Variants in PTPRU observed in about 807,000 individuals in gnomAD.
PTPRU encodes the protein protein tyrosine phosphatase receptor type U.
In PTPRU, 69 loss-of-function variants were observed where a neutral mutation model predicts 166.3. That is an observed-to-expected ratio of 0.41 (90% confidence interval 0.34 to 0.51). The LOEUF is 0.51. Among genes scored for constraint, PTPRU ranks in the 20% least tolerant of loss-of-function variants. The pLI, the probability that PTPRU is intolerant of heterozygous loss-of-function variation, is 0.09. For synonymous variants in PTPRU, 793 were observed against 814.0 expected, an observed-to-expected ratio of 0.97 and a Z score of 0.44; for missense variants, 1,657 against 2,013.7, an observed-to-expected ratio of 0.82 and a Z score of 3.39.
rs776959435 is a variant in PTPRU at position 29,258,766 on chromosome 1, A to G, written c.467A>G (p.Asn156Ser). The G allele has an allele frequency of 4.3e-5, 68 of 1,577,846 alleles. No individual in the cohort carries two copies. The highest frequency in any genetic ancestry group is 5.6e-5 in the Non-Finnish European group (65 of 1,160,840). ...AELAVSTFWP[N>S]EYQVLFEALI... Reference sequence around the variant, plus strand: ...CTGGCTGTCAGCACTTTCTGGCCCAATGAATATCAGGTGGGCTGGGTTCAG... The same window carrying G: ...CTGGCTGTCAGCACTTTCTGGCCCAGTGAATATCAGGTGGGCTGGGTTCAG... The change falls in exon 3 of 30, where the codon AAT becomes AGT. Residue 156 changes from asparagine (N) to serine (S), a missense_variant. Coordinates refer to ENST00000373779, the MANE Select transcript of PTPRU (RefSeq NM_133178.4).
intron 7 of PTPRU, among the ~76,000 whole-genome samples, chr1:29,272,748 A>G (rs545968557): frequency 5.7e-4 from 86 of 151,974 alleles, no homozygotes; most frequent in African/African-American, 1.9e-3. Context: ...CTCTACAAAA[A>G]ATACAAAAAT....
In PTPRU at chr1:29,260,287, T is replaced by G. The variant is rs1574624406; in HGVS notation, c.850+243T>G. 2 of 481,438 alleles carry G rather than the reference T, an allele frequency of 4.2e-6. No individual in the cohort carries two copies. The highest frequency in any genetic ancestry group is 4.9e-5 in the South Asian group (1 of 20,382). 29.8% of individuals were successfully genotyped at this position (481,438 alleles called of 1,614,324 possible). A position where few individuals can be genotyped will look rare whatever the true frequency, so the allele number is the denominator to read the frequency against. On this transcript the variant is annotated intron_variant, in intron 6 of 29. Coordinates refer to ENST00000373779, the MANE Select transcript of PTPRU (RefSeq NM_133178.4). The surrounding 1 kb of genome is among the most constrained non-coding windows in gnomAD (Gnocchi z 8.3). Reference sequence around the variant, plus strand: ...GTCAAGGTGAGAGCCTAAAGAGGGGTGGGGTTCTGGCTGTGTGACTTCTGT... The same window carrying G: ...GTCAAGGTGAGAGCCTAAAGAGGGGGGGGGTTCTGGCTGTGTGACTTCTGT...
intron 7 of PTPRU, among the ~76,000 whole-genome samples, chr1:29,268,875 C>G (rs1205848380): frequency 2.0e-5 from 3 of 152,046 alleles, no homozygotes; most frequent in Non-Finnish European, 4.4e-5. Context: ...GGTCAAGAAC[C>G]CAGGTTTCAT....
In PTPRU at chr1:29,238,229, G is replaced by T. The variant is rs1334371854; in HGVS notation, c.73+1512G>T. ...ATACGGAGCCTGTGTTTGTGTGTCC[G>T]TGTGCTCGTCGGAGTGTGGACGGTG... On this transcript the variant is annotated intron_variant, in intron 1 of 29. Transcript: ENST00000373779. This position sits in a 1 kb window ranked among gnomAD's most constrained non-coding sequence, Gnocchi z 6.1. Among the ~76,000 whole-genome samples, 3 of 152,044 alleles carry T rather than the reference G, an allele frequency of 2.0e-5. No individual in the cohort carries two copies. Among genetic ancestry groups the T allele is most frequent in the African/African-American group, 7.2e-5 (3 of 41,390 alleles).
intron 26 of PTPRU, among the ~76,000 whole-genome samples, chr1:29,322,580 A>G (rs1258870863): frequency 6.6e-6 from 1 of 152,098 alleles, no homozygotes; most frequent in Admixed American, 6.6e-5. Flanking sequence ...ACCTGAGGCA[A>G]AATGAGGAAG....
chr1:29,292,107 G>A (rs1686669946), intron 15 of PTPRU, 81 bp downstream of exon 15: 2 of 1,513,588 alleles, frequency 1.3e-6, no homozygotes, highest in Admixed American at 3.9e-5. Context: ...CATCAGGTGA[G>A]TTCTGTAACA....
At chr1:29,258,805 T>C in intron 3 of PTPRU, 29 bp downstream of exon 3, 1 of 1,541,118 alleles carries the variant, frequency 6.5e-7, no homozygotes, top group East Asian at 2.3e-5. Context: ...GCGGTCAGCC[T>C]GTGCCTGGAG....
At position 29,323,646 on chromosome 1, in the gene PTPRU, C is replaced by G; in HGVS notation, c.3970C>G (p.Leu1324Val). The G allele has an allele frequency of 1.2e-6, 2 of 1,614,100 alleles. No individual in the cohort carries two copies. Among genetic ancestry groups the G allele is most frequent in the Non-Finnish European group, 1.7e-6 (2 of 1,179,974 alleles). ...CTGTCCCCAGTTGCAGGAGGGGCAC[C>G]TGCTGGTGCGGCACTTCCAGTTCCT... ...QNISRLQEGH[L>V]LVRHFQFLRW... Residue 1324 changes from leucine (L) to valine (V), a missense_variant, in exon 28 of 30, where the codon CTG becomes GTG. Coordinates refer to ENST00000373779, the MANE Select transcript of PTPRU (RefSeq NM_133178.4).
rs1373055373 is a variant in PTPRU at position 29,275,657 on chromosome 1, A to G, written c.1354A>G (p.Asn452Asp). 6.2e-7 allele frequency: 1 copy of G among 1,614,108 alleles called. No homozygotes were observed. Among genetic ancestry groups the G allele is most frequent in the Non-Finnish European group, 8.5e-7 (1 of 1,180,020 alleles). Residue 452 changes from asparagine (N) to aspartate (D), a missense_variant, in exon 8 of 30, where the codon AAC becomes GAC. Asn to Asp is a conservative substitution (Grantham distance 23). Transcript: ENST00000373779. ...EQGVSRYTIKNLLPYRNVHVR... is the reference protein window; with the variant it reads ...EQGVSRYTIKDLLPYRNVHVR... ...AGGTGTCAGCCGCTACACCATCAAG[A>G]ACCTGCTGCCCTATCGGAACGTTCA...
intron 19 of PTPRU, 105 bp downstream of exon 19, chr1:29,310,885 G>A: frequency 7.3e-7 from 1 of 1,360,642 alleles, no homozygotes; most frequent in Non-Finnish European, 1.1e-6. Flanking sequence ...CTTGATTCCT[G>A]AATGTCTCCC....
intron 15 of PTPRU, among the ~76,000 whole-genome samples, chr1:29,299,380 G>A (rs893093637): frequency 6.6e-6 from 1 of 152,196 alleles, no homozygotes; most frequent in African/African-American, 2.4e-5. Context: ...GGGTGGGGTA[G>A]GAAGTGTGTC....
At position 29,243,087 on chromosome 1, in the gene PTPRU, C is replaced by T. The variant is rs756602394; in HGVS notation, c.73+6370C>T. 5.9e-5 allele frequency among the ~76,000 whole-genome samples: 9 copies of T among 152,188 alleles called. No homozygotes were observed. The Middle Eastern group carries it at 0.01, about 173-fold the overall frequency. ...TAATTTTTTGTATTTTTAATAAAGA[C>T]GGGGTTTCACTGTGTTAGCCAGGAT... On this transcript the variant is annotated intron_variant, in intron 1 of 29. Transcript: ENST00000373779.
At chr1:29,255,717 T>A (rs1212505382) in intron 2 of PTPRU, among the ~76,000 whole-genome samples, 1 of 152,124 alleles carries the variant, frequency 6.6e-6, no homozygotes, top group Non-Finnish European at 1.5e-5. Context: ...AAATCCTCCA[T>A]CTTTGAGAGG....
In PTPRU at chr1:29,292,830, T is replaced by G. The variant is rs1429616867; in HGVS notation, c.2476+804T>G. On this transcript the variant is annotated intron_variant, in intron 15 of 29. Transcript: ENST00000373779. Reference sequence around the variant, plus strand: ...AAATTGTTGTGTTTTTTTTTTTTTTTTGTGAGATGGAGTCTCACTCTATCA... The same window carrying G: ...AAATTGTTGTGTTTTTTTTTTTTTTGTGTGAGATGGAGTCTCACTCTATCA... Among the ~76,000 whole-genome samples, 84 of 151,606 alleles carry G rather than the reference T, an allele frequency of 5.5e-4. 2 individuals are homozygous for G. The highest frequency in any genetic ancestry group is 1.9e-3 in the African/African-American group (77 of 41,390).
rs141637360 is a variant in PTPRU, at chr1:29,279,559, A to G, written c.1667A>G (p.Asn556Ser). 2 of 1,614,086 alleles carry G rather than the reference A, an allele frequency of 1.2e-6. No individual in the cohort carries two copies. Among genetic ancestry groups the G allele is most frequent in the South Asian group, 1.1e-5 (1 of 91,080 alleles). Residue 556 changes from asparagine (N) to serine (S), a missense_variant, in exon 10 of 30, where the codon AAC becomes AGC. Asn to Ser is a conservative substitution (Grantham distance 46). Around this residue, in one of 3 missense-constraint regions of PTPRU, gnomAD observed 1,190 missense variants for 1,477.4 expected, o/e 0.81. Transcript: ENST00000373779. This position sits in a 1 kb window ranked among gnomAD's most constrained non-coding sequence, Gnocchi z 5.2. ...LRNETYHVFS[N>S]LHPGTTYLFS... Reference sequence around the variant, plus strand: ...AATGAGACCTACCATGTCTTCTCCAACCTGCACCCAGGCACCACCTACCTG... The same window carrying G: ...AATGAGACCTACCATGTCTTCTCCAGCCTGCACCCAGGCACCACCTACCTG...
chr1:29,304,106 T>G, intron 16 of PTPRU, 61 bp downstream of exon 16: 4 of 1,540,002 alleles, frequency 2.6e-6, no homozygotes, highest in Non-Finnish European at 3.5e-6. Flanking sequence ...TCTTACTCTC[T>G]GTGGACTCTG....
chr1:29,317,777 C>A lies in PTPRU; in HGVS notation c.3543C>A (p.Asp1181Glu). 2 of 1,611,872 alleles carry A rather than the reference C, an allele frequency of 1.2e-6. No homozygotes were observed. The highest frequency in any genetic ancestry group is 1.7e-6 in the Non-Finnish European group (2 of 1,179,944). ...TGAACTCGGTCACCCCGCCGCTGGA[C>A]GTGGAGGAGTGCAGCATCGCCCTGT... is the stretch of plus-strand genomic sequence containing the variant. ...QTLNSVTPPL[D>E]VEECSIALLP... Residue 1181 changes from aspartate (D) to glutamate (E), a missense_variant, in exon 25 of 30, where the codon GAC becomes GAA. Physicochemically the swap from Asp to Glu is conservative, Grantham distance 45 (BLOSUM62 2). This residue lies in a region of PTPRU where 1,190 missense variants were observed against 1,477.4 expected (regional missense o/e 0.81). Transcript: ENST00000373779. This position sits in a 1 kb window ranked among gnomAD's most constrained non-coding sequence, Gnocchi z 5.6.
chr1:29,239,158 T>G (rs1297651155), intron 1 of PTPRU, among the ~76,000 whole-genome samples: 2 of 152,138 alleles, frequency 1.3e-5, no homozygotes, highest in Non-Finnish European at 2.9e-5. Flanking sequence ...CTGGCCCCCT[T>G]TGTTATTCTT....
intron 22 of PTPRU, among the ~76,000 whole-genome samples, chr1:29,313,139 C>T (rs571093850): frequency 1.3e-5 from 2 of 152,332 alleles, no homozygotes; most frequent in Admixed American, 1.3e-4. Flanking sequence ...CTTCTGCAGA[C>T]CCTGACTGGC....
Sources: gnomAD v4.1 joint callset for allele counts (sites outside exome capture counted in the v4.1 genomes callset) on GRCh38, gnomAD v4.1.1 for gene constraint, gnomAD v4.1.1 regional missense constraint, Gnocchi (gnomAD v3.1) non-coding constraint, MANE v1.5 for transcripts, NCBI Gene and HGNC (gene_info 2026-07-23, HGNC 2026-07-21) for gene names.